The following PPHLN1 variants were observed in gnomAD, a reference collection of about 807,000 sequenced individuals.
The protein encoded by PPHLN1 is periphilin-1.
A neutral mutation model predicts 51.3 loss-of-function variants in PPHLN1; 29 were observed. The ratio of observed to expected loss-of-function variants is 0.57; its 90% CI spans 0.42 to 0.77. PPHLN1 has a LOEUF of 0.77. Among genes scored for constraint, PPHLN1 ranks in the 30% least tolerant of loss-of-function variants. The probability of loss-of-function intolerance (pLI) is 0.00; values close to 1 mark genes in which losing one functional copy is unlikely to be tolerated. For missense variants in PPHLN1, 436 were observed against 438.4 expected, an observed-to-expected ratio of 0.99 and a Z score of 0.05; for synonymous variants, 147 against 147.8, an observed-to-expected ratio of 0.99 and a Z score of 0.04.
intron 4 of PPHLN1, among the ~76,000 whole-genome samples, chr12:42,356,198 T>C (rs1216266469): frequency 6.6e-6 from 1 of 152,226 alleles, no homozygotes; most frequent in Non-Finnish European, 1.5e-5. Context: ...AGGCATCAAC[T>C]GTCACAACTC....
At chr12:42,378,593 A>T (rs1023346257) in intron 5 of PPHLN1, among the ~76,000 whole-genome samples, 7 of 98,264 alleles carry the variant, frequency 7.1e-5, no homozygotes, top group Non-Finnish European at 2.0e-5. Flanking sequence ...TGCCCTCATT[A>T]AAAAAAATTA....
downstream of PPHLN1, chr12:42,447,018 G>T (rs1012551255): frequency 3.5e-5 from 6 of 171,438 alleles, no homozygotes; most frequent in Non-Finnish European, 5.0e-5. Context: ...AATACAAATG[G>T]TTCCAGCCTA....
intron 2 of PPHLN1, among the ~76,000 whole-genome samples, chr12:42,348,491 T>A (rs1221026216): frequency 6.6e-6 from 1 of 152,120 alleles, no homozygotes; most frequent in Non-Finnish European, 1.5e-5. Flanking sequence ...AATAAGTAAC[T>A]AAGTGTGATT....
At chr12:42,349,887 C>G (rs966864186) in intron 2 of PPHLN1, among the ~76,000 whole-genome samples, 2 of 152,210 alleles carry the variant, frequency 1.3e-5, no homozygotes, top group Non-Finnish European at 2.9e-5. Context: ...AAACCGCCAT[C>G]GTCATCATGG....
chr12:42,401,532 G>A (rs2078846784), intron 9 of PPHLN1, among the ~76,000 whole-genome samples: 1 of 151,710 alleles, frequency 6.6e-6, no homozygotes, highest in African/African-American at 2.4e-5. Context: ...GGAGGACAGG[G>A]GAGTGAGCAT....
intron 9 of PPHLN1, among the ~76,000 whole-genome samples, chr12:42,428,614 G>A (rs1467656152): frequency 6.6e-6 from 1 of 152,034 alleles, no homozygotes; most frequent in Admixed American, 6.6e-5. Context: ...GGAGACTCAG[G>A]GGAAAAGAGT....
chr12:42,334,869 G>A (rs1328322301), intron 1 of PPHLN1, among the ~76,000 whole-genome samples: 1 of 152,158 alleles, frequency 6.6e-6, no homozygotes, highest in Non-Finnish European at 1.5e-5. Context: ...GCGCTAGCCT[G>A]TTTTTGTAAA....
intron 4 of PPHLN1, among the ~76,000 whole-genome samples, chr12:42,357,604 A>C (rs558733574): frequency 2.3e-4 from 35 of 152,336 alleles, no homozygotes; most frequent in Non-Finnish European, 4.3e-4. Flanking sequence ...TGACATAATT[A>C]AGACCTATGT....
intron 9 of PPHLN1, among the ~76,000 whole-genome samples, chr12:42,402,752 G>T (rs1338116081): frequency 6.6e-6 from 1 of 152,034 alleles, no homozygotes; most frequent in African/African-American, 2.4e-5. Flanking sequence ...CCACTGTTAT[G>T]TGTCAGTCAG....
chr12:42,416,957 A>G (rs1042829481), intron 9 of PPHLN1, among the ~76,000 whole-genome samples: 5 of 152,256 alleles, frequency 3.3e-5, no homozygotes, highest in African/African-American at 4.8e-5. Context: ...TTTGAATTCT[A>G]TGATGGGCTT....
At chr12:42,378,090 CTCTT>C (rs57255344) in intron 5 of PPHLN1, among the ~76,000 whole-genome samples, 22,693 of 140,402 alleles carry the variant, frequency 0.16, 1,759 homozygotes, top group Admixed American at 0.19. Flanking sequence ...ATCTATCTTT[CTCTT>C]TCTTTCTTTC....
At chr12:42,330,265 C>T (rs1428139278) in intron 1 of PPHLN1, among the ~76,000 whole-genome samples, 1 of 152,192 alleles carries the variant, frequency 6.6e-6, no homozygotes, top group Non-Finnish European at 1.5e-5. Context: ...CATTCCGTTT[C>T]CAGGGGCATG....
At chr12:42,363,450 T>C (rs7958963) in intron 4 of PPHLN1, among the ~76,000 whole-genome samples, 24,628 of 151,744 alleles carry the variant, frequency 0.16, 2,058 homozygotes, top group Admixed American at 0.2. Context: ...CTAGCTATTT[T>C]TTTTTCATTT....
intron 3 of PPHLN1, among the ~76,000 whole-genome samples, chr12:42,354,373 C>A (rs780571673): frequency 6.6e-6 from 1 of 152,044 alleles, no homozygotes; most frequent in African/African-American, 2.4e-5. Flanking sequence ...TGCACGCCAC[C>A]GTGCCCGGCT....
intron 4 of PPHLN1, among the ~76,000 whole-genome samples, chr12:42,370,356 A>G (rs182085903): frequency 6.6e-6 from 1 of 152,342 alleles, no homozygotes; most frequent in East Asian, 1.9e-4. Flanking sequence ...GAGGATCAGT[A>G]AAACTTTCTA....
downstream of PPHLN1, chr12:42,447,373 C>T (rs559029656): frequency 6.6e-6 from 1 of 152,244 alleles, no homozygotes; most frequent in South Asian, 2.1e-4. Context: ...CTGCCTTTTA[C>T]GTTTTCTTGT....
intron 9 of PPHLN1, among the ~76,000 whole-genome samples, chr12:42,414,277 C>T (rs1388019660): frequency 2.0e-5 from 3 of 152,024 alleles, no homozygotes; most frequent in Non-Finnish European, 4.4e-5. Flanking sequence ...TCAGGTGATC[C>T]ACCAGCCTCG....
intron 5 of PPHLN1, among the ~76,000 whole-genome samples, chr12:42,376,703 G>A (rs1243566965): frequency 6.6e-6 from 1 of 152,134 alleles, no homozygotes; most frequent in African/African-American, 2.4e-5. Flanking sequence ...AGGTAGGATT[G>A]CTTGAGCCCA....
At position 42,441,332 on chromosome 12, in the gene PPHLN1, T is replaced by A; in HGVS notation, c.927T>A (p.Cys309Ter). Reference protein sequence around the residue: ...KEIEQVYRQDCETFGMVVKML... With the variant: ...KEIEQVYRQD ...CCTTTTAGGTTTACCGACAAGACTG[T>A]GAAACTTTCGGGATGGTGGTGAAAA... The change falls in exon 10 of 10, where the codon TGT (cysteine) becomes TGA (stop). Residue 309 changes from cysteine to a stop codon, truncating the protein, a stop_gained. Coordinates refer to ENST00000358314, the MANE Select transcript of PPHLN1 (RefSeq NM_201439.2). LOFTEE classifies it high-confidence loss of function. 6.2e-7 allele frequency: 1 copy of A among 1,612,490 alleles called. No individual in the cohort carries two copies. Among genetic ancestry groups the A allele is most frequent in the Non-Finnish European group, 8.5e-7 (1 of 1,178,922 alleles).
Sources: gnomAD v4.1 joint callset for allele counts (sites outside exome capture counted in the v4.1 genomes callset) on GRCh38, gnomAD v4.1.1 for gene constraint, MANE v1.5 for transcripts, NCBI Gene and HGNC (gene_info 2026-07-23, HGNC 2026-07-21) for gene names.